The following MAD1L1 variants were observed in gnomAD, a reference collection of about 807,000 sequenced individuals.
MAD1L1 encodes the protein mitotic spindle assembly checkpoint protein MAD1.
Under a neutral mutation model 96.9 loss-of-function variants are expected in MAD1L1, and 95 were observed. The observed-to-expected ratio is 0.98, with a 90% CI of 0.83 to 1.16. MAD1L1 has a LOEUF of 1.16. Among genes scored for constraint, MAD1L1 ranks in the 50% most tolerant of loss-of-function variants. The pLI is 0.00. For missense variants in MAD1L1, 1,007 were observed against 954.4 expected, an observed-to-expected ratio of 1.06 and a Z score of -0.73; for synonymous variants, 473 against 396.6, an observed-to-expected ratio of 1.19 and a Z score of -2.29.
chr7:1,987,707 T>A (rs983000769), intron 14 of MAD1L1, among the ~76,000 whole-genome samples: 1 of 152,108 alleles, frequency 6.6e-6, no homozygotes, highest in Non-Finnish European at 1.5e-5. Flanking sequence ...CGGCTCCACG[T>A]CTTTTCTCCT....
At chr7:1,979,429 C>T (rs1384028988) in intron 15 of MAD1L1, among the ~76,000 whole-genome samples, 6 of 152,178 alleles carry the variant, frequency 3.9e-5, no homozygotes, top group Non-Finnish European at 8.8e-5. Context: ...CCACAGCCAC[C>T]GCCTCCCACA....
At chr7:1,914,840 G>A (rs972458802) in intron 17 of MAD1L1, among the ~76,000 whole-genome samples, 2 of 152,058 alleles carry the variant, frequency 1.3e-5, no homozygotes, top group Non-Finnish European at 2.9e-5. Flanking sequence ...GTCTCCAACC[G>A]AGCCTCTGGC....
rs1478425543 is a variant in MAD1L1, at chr7:2,119,053, C to T, written c.1073+30099G>A. On this transcript the variant is annotated intron_variant, in intron 11 of 18. Transcript: ENST00000265854. The surrounding 1 kb of genome is among the most constrained non-coding windows in gnomAD (Gnocchi z 4.6). ...TGACGGTCTGCCTCCCAGACCCCTG[C>T]GCGGACAAGCAGGAGCGGCTGGGCT... Among the ~76,000 whole-genome samples, 1 of 152,044 alleles carries T rather than the reference C, an allele frequency of 6.6e-6. No homozygotes were observed. The highest frequency in any genetic ancestry group is 1.5e-5 in the Non-Finnish European group (1 of 68,030).
chr7:2,144,466 C>A (rs1220623622), intron 11 of MAD1L1, among the ~76,000 whole-genome samples: 3 of 152,178 alleles, frequency 2.0e-5, no homozygotes, highest in Non-Finnish European at 4.4e-5. Flanking sequence ...AGAGCATGGC[C>A]CCACGCATCC....
At chr7:1,925,002 A>G (rs1789011946) in intron 17 of MAD1L1, among the ~76,000 whole-genome samples, 1 of 152,232 alleles carries the variant, frequency 6.6e-6, no homozygotes, top group Non-Finnish European at 1.5e-5. Flanking sequence ...GAGTATAAAA[A>G]AGGCCAAATA....
intron 11 of MAD1L1, among the ~76,000 whole-genome samples, chr7:2,081,128 C>T (rs567332825): frequency 1.3e-5 from 2 of 151,302 alleles, no homozygotes; most frequent in South Asian, 2.1e-4. Flanking sequence ...CTGGGGATGA[C>T]GCAGGGTGGG....
chr7:1,912,885 C>G (rs528939162), intron 17 of MAD1L1, among the ~76,000 whole-genome samples: 1 of 149,034 alleles, frequency 6.7e-6, no homozygotes, highest in African/African-American at 2.5e-5. Context: ...GTGGCGGCGG[C>G]GAGGTCCTGG....
At chr7:1,984,758 CCTTTT>C (rs746247985) in intron 14 of MAD1L1, among the ~76,000 whole-genome samples, 1 of 152,206 alleles carries the variant, frequency 6.6e-6, no homozygotes, top group African/African-American at 2.4e-5. Context: ...GAAGTCCTTT[CCTTTT>C]AATAGGAGAG....
chr7:2,095,235 G>C (rs1033369516), intron 11 of MAD1L1, among the ~76,000 whole-genome samples: 3 of 152,162 alleles, frequency 2.0e-5, no homozygotes, highest in Admixed American at 6.5e-5. Context: ...TAGTAGAGCC[G>C]GGGTTTCACC....
At chr7:2,218,874 G>A (rs908700495) in intron 6 of MAD1L1, among the ~76,000 whole-genome samples, 12 of 152,000 alleles carry the variant, frequency 7.9e-5, no homozygotes, top group African/African-American at 2.9e-4. Flanking sequence ...ACTCCAGCCT[G>A]GGTGACACAG....
chr7:2,026,574 G>C (rs888443144), intron 12 of MAD1L1, among the ~76,000 whole-genome samples: 2 of 152,116 alleles, frequency 1.3e-5, no homozygotes, highest in Admixed American at 1.3e-4. Flanking sequence ...AAGTTTTATG[G>C]GACTGGGGTC....
At chr7:1,938,553 A>C (rs973836302) in intron 16 of MAD1L1, among the ~76,000 whole-genome samples, 8 of 152,028 alleles carry the variant, frequency 5.3e-5, no homozygotes, top group Non-Finnish European at 8.8e-5. Flanking sequence ...CATACGAAGA[A>C]GTCAGAAATA....
chr7:1,826,839 C>G (rs1241452884), intron 18 of MAD1L1, among the ~76,000 whole-genome samples: 1 of 152,228 alleles, frequency 6.6e-6, no homozygotes, highest in Non-Finnish European at 1.5e-5. Context: ...ACTGCCTGTG[C>G]TAATTATACC....
intron 18 of MAD1L1, among the ~76,000 whole-genome samples, chr7:1,894,137 G>T (rs567458293): frequency 6.6e-6 from 1 of 152,188 alleles, no homozygotes; most frequent in Non-Finnish European, 1.5e-5. Flanking sequence ...AAGGAGGCAG[G>T]AATGACAGGT....
chr7:2,160,322 G>A (rs1790041365), intron 10 of MAD1L1, among the ~76,000 whole-genome samples: 1 of 143,816 alleles, frequency 7.0e-6, no homozygotes. Context: ...GCTTGCCACT[G>A]GATCCTATTT....
intron 14 of MAD1L1, among the ~76,000 whole-genome samples, chr7:1,985,621 C>G (rs1216603619): frequency 6.6e-6 from 1 of 152,278 alleles, no homozygotes; most frequent in Non-Finnish European, 1.5e-5. Flanking sequence ...CTCCCTCTGC[C>G]ATCCTGACAC....
At chr7:1,873,523 G>C (rs1281626768) in intron 18 of MAD1L1, among the ~76,000 whole-genome samples, 1 of 151,986 alleles carries the variant, frequency 6.6e-6, no homozygotes, top group Non-Finnish European at 1.5e-5. Context: ...CAGTGCTGAG[G>C]GGTACGGGCA....
intron 18 of MAD1L1, chr7:1,848,005 T>C (rs1344872987): frequency 2.9e-6 from 1 of 344,760 alleles, no homozygotes; most frequent in East Asian, 7.6e-5. Flanking sequence ...TCAAATGAAC[T>C]GTGGACTCTC....
At chr7:2,205,084 C>CTTTTTTTTTTTTTTTT (rs56101356) in intron 10 of MAD1L1, among the ~76,000 whole-genome samples, 1 of 103,862 alleles carries the variant, frequency 9.6e-6, no homozygotes. Context: ...AGGATCTTTT[C>CTTTTTTTTTTTTTTTT]TTTTTTTTTT....
Sources: gnomAD v4.1 joint callset for allele counts (sites outside exome capture counted in the v4.1 genomes callset) on GRCh38, gnomAD v4.1.1 for gene constraint, Gnocchi (gnomAD v3.1) non-coding constraint, MANE v1.5 for transcripts, NCBI Gene and HGNC (gene_info 2026-07-23, HGNC 2026-07-21) for gene names.